Variants in THSD7B observed in about 807,000 individuals in gnomAD.
THSD7B encodes thrombospondin type 1 domain containing 7B.
THSD7B carries 138 observed loss-of-function variants against 213.6 expected under a neutral mutation model. The observed-to-expected ratio is 0.65, with a 90% CI of 0.56 to 0.74. The LOEUF is 0.74. THSD7B is among the 30% of genes least tolerant of loss of function. The pLI is 0.00. For synonymous variants in THSD7B, 742 were observed against 687.0 expected (o/e 1.08, Z -1.25); for missense variants, 1,931 against 1,991.5 (o/e 0.97, Z 0.58).
chr2:137,380,113 T>C (rs1685740713), intron 12 of THSD7B, among the ~76,000 whole-genome samples: 2 of 151,964 alleles, frequency 1.3e-5, no homozygotes, highest in Non-Finnish European at 2.9e-5. Context: ...CATTGTAGAG[T>C]CAACAAAACA....
chr2:136,815,332 C>T (rs1191971116), intron 1 of THSD7B, among the ~76,000 whole-genome samples: 1 of 152,054 alleles, frequency 6.6e-6, no homozygotes, highest in Non-Finnish European at 1.5e-5. Flanking sequence ...GGGTCAGTTC[C>T]AAAAGATCCC....
chr2:137,172,712 A>G (rs906152311), intron 7 of THSD7B, among the ~76,000 whole-genome samples: 4 of 152,208 alleles, frequency 2.6e-5, no homozygotes, highest in Non-Finnish European at 5.9e-5. Flanking sequence ...CCCGATGTAT[A>G]ACCATGGGTC....
chr2:137,535,844 G>A (rs544678501), intron 15 of THSD7B, among the ~76,000 whole-genome samples: 4 of 151,418 alleles, frequency 2.6e-5, no homozygotes, highest in South Asian at 2.1e-4. Context: ...GGGATGCTGC[G>A]GAGGCCTCAA....
At chr2:136,766,163 A>G (rs1681385922) in intron 1 of THSD7B, among the ~76,000 whole-genome samples, 1 of 152,174 alleles carries the variant, frequency 6.6e-6, no homozygotes, top group South Asian at 2.1e-4. Context: ...AGGTTGACTG[A>G]GGGTTTCCTT....
At chr2:136,977,890 C>T (rs1357859917) in intron 2 of THSD7B, among the ~76,000 whole-genome samples, 1 of 151,128 alleles carries the variant, frequency 6.6e-6, no homozygotes, top group Non-Finnish European at 1.5e-5. Context: ...ACCTCTGCCT[C>T]CCAGGTTCAA....
At chr2:137,323,282 G>A (rs1684300441) in intron 12 of THSD7B, among the ~76,000 whole-genome samples, 1 of 150,046 alleles carries the variant, frequency 6.7e-6, no homozygotes, top group African/African-American at 2.5e-5. Context: ...TAGCATGACA[G>A]AGACACCATG....
intron 5 of THSD7B, among the ~76,000 whole-genome samples, chr2:137,154,416 C>A (rs533272988): frequency 6.6e-6 from 1 of 151,986 alleles, no homozygotes; most frequent in African/African-American, 2.4e-5. Context: ...AACAAGAAAG[C>A]GCCAATGACT....
chr2:137,331,796 T>G (rs1354536211), intron 12 of THSD7B, among the ~76,000 whole-genome samples: 3 of 152,144 alleles, frequency 2.0e-5, no homozygotes, highest in Non-Finnish European at 2.9e-5. Context: ...AGCGCAGCGC[T>G]CGTGGGCTGG....
intron 2 of THSD7B, among the ~76,000 whole-genome samples, chr2:136,929,852 G>T (rs1483600010): frequency 6.6e-6 from 1 of 152,178 alleles, no homozygotes; most frequent in Non-Finnish European, 1.5e-5. Context: ...ACTAGATGAA[G>T]ATGACCTTTA....
At chr2:137,182,718 CTCCTTCCTGGACTCATTTTACG>C (rs1460539594) in intron 7 of THSD7B, among the ~76,000 whole-genome samples, 1 of 152,158 alleles carries the variant, frequency 6.6e-6, no homozygotes, top group Non-Finnish European at 1.5e-5. Context: ...CCCAGATTGT[CTCCTTCCTGGACTCATTTTACG>C]TCCTTCCTTT....
intron 15 of THSD7B, among the ~76,000 whole-genome samples, chr2:137,522,816 A>T (rs1040342824): frequency 6.6e-6 from 1 of 152,226 alleles, no homozygotes; most frequent in Non-Finnish European, 1.5e-5. Context: ...GTATACACTT[A>T]TACCAGATAA....
At chr2:137,092,061 A>T (rs547968654) in intron 3 of THSD7B, among the ~76,000 whole-genome samples, 1 of 152,318 alleles carries the variant, frequency 6.6e-6, no homozygotes, top group African/African-American at 2.4e-5. Context: ...TTGAACAGTA[A>T]CAATGAGACA....
chr2:137,340,766 T>G (rs563217217), intron 12 of THSD7B, among the ~76,000 whole-genome samples: 1 of 151,954 alleles, frequency 6.6e-6, no homozygotes, highest in African/African-American at 2.4e-5. Context: ...ATTTCTCTTT[T>G]GAAATATGAA....
At chr2:137,157,489 T>A (rs1027742554) in intron 5 of THSD7B, among the ~76,000 whole-genome samples, 1 of 152,192 alleles carries the variant, frequency 6.6e-6, no homozygotes, top group African/African-American at 2.4e-5. Flanking sequence ...TGTTGCATTT[T>A]CAGCTCATTC....
At chr2:137,513,655 TA>T (rs892625074) in intron 15 of THSD7B, among the ~76,000 whole-genome samples, 10 of 152,208 alleles carry the variant, frequency 6.6e-5, no homozygotes, top group Non-Finnish European at 1.2e-4. Context: ...AAGTTATTAT[TA>T]TTTTTTTACT....
At chr2:137,120,317 T>C (rs957572950) in intron 5 of THSD7B, among the ~76,000 whole-genome samples, 2 of 151,732 alleles carry the variant, frequency 1.3e-5, no homozygotes, top group Non-Finnish European at 2.9e-5. Context: ...TTCCTCACAA[T>C]GACAGGTGGT....
chr2:137,502,367 AAGAG>A (rs756731817), intron 15 of THSD7B, among the ~76,000 whole-genome samples: 28 of 152,188 alleles, frequency 1.8e-4, no homozygotes, highest in East Asian at 1.7e-3. Context: ...TATAAAGAGA[AAGAG>A]AGAGAGACAG....
chr2:137,183,307 A>T (rs1421571841), intron 7 of THSD7B, among the ~76,000 whole-genome samples: 1 of 152,144 alleles, frequency 6.6e-6, no homozygotes, highest in African/African-American at 2.4e-5. Flanking sequence ...ATGATCACAA[A>T]TTAGAAATTT....
At chr2:137,165,515 C>T (rs950963526) in intron 6 of THSD7B, among the ~76,000 whole-genome samples, 1 of 151,990 alleles carries the variant, frequency 6.6e-6, no homozygotes, top group Non-Finnish European at 1.5e-5. Context: ...GTGTCTGTCC[C>T]ATGATTCTAC....
Sources: allele counts gnomAD v4.1 joint callset (sites outside exome capture counted in the v4.1 genomes callset), GRCh38; gene constraint gnomAD v4.1.1; transcripts MANE v1.5; gene names NCBI Gene and HGNC (gene_info 2026-07-23, HGNC 2026-07-21).